MICOS10: variants seen among roughly 807,000 people sequenced by gnomAD.
MICOS10 encodes MICOS complex subunit MIC10.
Under a neutral mutation model 13.4 loss-of-function variants are expected in MICOS10, and 5 were observed. The ratio of observed to expected loss-of-function variants is 0.37; its 90% confidence interval spans 0.20 to 0.78. The LOEUF (loss-of-function observed/expected upper bound fraction) is 0.78, where lower values mean the gene tolerates loss of function less well. Among genes scored for constraint, MICOS10 ranks in the 30% least tolerant of loss-of-function variants. The pLI, the probability that MICOS10 is intolerant of heterozygous loss-of-function variation, is 0.47. For synonymous variants in MICOS10, 35 were observed against 33.6 expected, an observed-to-expected ratio of 1.04 and a Z score of -0.15; for missense variants, 101 against 94.6, an observed-to-expected ratio of 1.07 and a Z score of -0.28.
chr1:19,626,459 A>C lies in MICOS10; in HGVS notation c.*58A>C. 2.5e-6 allele frequency: 4 copies of C among 1,593,838 alleles called. No homozygotes were observed. Among genetic ancestry groups the C allele is most frequent in the Non-Finnish European group, 3.4e-6 (4 of 1,162,254 alleles). ...GAGAAATCATGTTTATTCCTCAGGA[A>C]TACTGAAGTGCCCTGGAGTAAGCTG... On this transcript the variant is annotated 3_prime_UTR_variant, in exon 4 of 4. Transcript: ENST00000322753.
intron 1 of MICOS10, chr1:19,597,855 T>G (rs1158639429): frequency 6.6e-6 from 1 of 152,212 alleles, no homozygotes; most frequent in East Asian, 1.9e-4. Flanking sequence ...GAGAGTCAGG[T>G]GAAGGAATTT....
At chr1:19,608,538 G>A (rs758375432) in intron 1 of MICOS10, 2 of 988,612 alleles carry the variant, frequency 2.0e-6, no homozygotes, top group East Asian at 4.8e-5. Context: ...AGCACTCTCA[G>A]GAAGGGGGTC....
At chr1:19,608,438 G>A (rs1345014449) in intron 1 of MICOS10, 3 of 1,290,266 alleles carry the variant, frequency 2.3e-6, no homozygotes, top group Non-Finnish European at 2.3e-6. Context: ...CAAGACCCTT[G>A]GACCTGGGGC....
At position 19,597,129 on chromosome 1, in the gene MICOS10, A is replaced by T. The variant is rs2094794735; in HGVS notation, c.64+20A>T. ...AGATAGGTAAGGGGCTTTTCGCCCC[A>T]GCAGGCCCGGCCGGTGCAGAGCTGC... On this transcript the variant is annotated intron_variant, in intron 1 of 3. Coordinates refer to ENST00000322753, the MANE Select transcript of MICOS10 (RefSeq NM_001032363.4). 6.3e-6 allele frequency: 10 copies of T among 1,598,582 alleles called. No homozygotes were observed. Among genetic ancestry groups the T allele is most frequent in the Non-Finnish European group, 8.5e-6 (10 of 1,173,168 alleles).
intron 1 of MICOS10, among the ~76,000 whole-genome samples, chr1:19,615,821 C>T (rs2094882151): frequency 6.6e-6 from 1 of 152,044 alleles, no homozygotes; most frequent in Non-Finnish European, 1.5e-5. Flanking sequence ...GAAATCTTCC[C>T]CGGTGCCTTT....
intron 1 of MICOS10, chr1:19,617,360 C>T: frequency 1.1e-6 from 1 of 933,094 alleles, no homozygotes; most frequent in African/African-American, 1.8e-5. Context: ...AAATAGCCAC[C>T]TTCTTAGTAT....
At chr1:19,620,950 A>G (rs7531699) in intron 1 of MICOS10, among the ~76,000 whole-genome samples, 39 of 152,332 alleles carry the variant, frequency 2.6e-4, no homozygotes, top group African/African-American at 9.4e-4. Context: ...TTGCCTCCAG[A>G]TGGAGAAGAG....
Position 19,627,549 on chromosome 1 carries a change from G to T in MICOS10, c.*1148G>T, listed in dbSNP as rs2094925930. 1 of 152,356 alleles carries T rather than the reference G, an allele frequency of 6.6e-6. No homozygotes were observed. The highest frequency in any genetic ancestry group is 2.1e-4 in the South Asian group (1 of 4,830). 9.4% of individuals were successfully genotyped at this position (152,356 alleles called of 1,614,324 possible). On this transcript the variant is annotated 3_prime_UTR_variant, in exon 4 of 4. Transcript: ENST00000322753. ...TAGGCAAAGTACACTGAGAACAAAG[G>T]AGAAGGAGCAACTATGTCTCCCTAG...
intron 1 of MICOS10, among the ~76,000 whole-genome samples, chr1:19,620,408 A>C (rs2094898960): frequency 6.6e-6 from 1 of 152,226 alleles, no homozygotes; most frequent in South Asian, 2.1e-4. Flanking sequence ...TCTTTTAAGT[A>C]ACTGAGATAG....
chr1:19,621,276 G>A (rs191665215), intron 1 of MICOS10, among the ~76,000 whole-genome samples: 1 of 152,190 alleles, frequency 6.6e-6, no homozygotes, highest in Admixed American at 6.5e-5. Flanking sequence ...GGATTGGTCT[G>A]GGAATGAATC....
chr1:19,608,401 A>T, intron 1 of MICOS10: 1 of 1,264,658 alleles, frequency 7.9e-7, no homozygotes, highest in East Asian at 2.3e-5. Context: ...TACACATCCA[A>T]CTCCGGGCCA....
chr1:19,619,903 C>A (rs1451207515), intron 1 of MICOS10, among the ~76,000 whole-genome samples: 1 of 152,228 alleles, frequency 6.6e-6, no homozygotes, highest in Non-Finnish European at 1.5e-5. Context: ...TACCACACAC[C>A]CGCAACTGGC....
chr1:19,616,613 CA>C lies in MICOS10; in HGVS notation c.65-5486del, dbSNP rs2094885334. 2.6e-5 allele frequency among the ~76,000 whole-genome samples: 4 copies of C among 152,232 alleles called. No individual in the cohort carries two copies. The South Asian group carries it at 8.3e-4, about 32-fold the overall frequency. ...TTGAGGGGCTGCAGAGTAACATAGT[CA>C]TAAATTAACCATGGATAGTGTTAAA... On this transcript the variant is annotated intron_variant, in intron 1 of 3. Transcript: ENST00000322753.
chr1:19,625,159 G>A (rs1006464527), intron 3 of MICOS10, among the ~76,000 whole-genome samples: 2 of 152,196 alleles, frequency 1.3e-5, no homozygotes, highest in African/African-American at 4.8e-5. Flanking sequence ...GTGAGATTTA[G>A]ACACAAAATG....
rs1249451494 is a variant in MICOS10 at position 19,603,455 on chromosome 1, T to TG, written c.64+6347dup. Among the ~76,000 whole-genome samples the TG allele has an allele frequency of 2.6e-5, 4 of 152,360 alleles. No individual in the cohort carries two copies. In the East Asian group the frequency reaches 7.7e-4, roughly 29 times the overall value. ...GCTGTGGACCTTTTGACCAAGTTGATGTTGCTTGTGTGACAGTGGCCTGTC... is the reference window on the plus strand; with the variant it reads ...GCTGTGGACCTTTTGACCAAGTTGATGGTTGCTTGTGTGACAGTGGCCTGTC... On this transcript the variant is annotated intron_variant, in intron 1 of 3. Coordinates refer to ENST00000322753, the MANE Select transcript of MICOS10 (RefSeq NM_001032363.4).
rs552506179 is a variant in MICOS10 at position 19,609,166 on chromosome 1, A to T, written c.64+12057A>T. Among the ~76,000 whole-genome samples, 371 of 151,546 alleles carry T rather than the reference A, an allele frequency of 2.4e-3. 2 individuals carry two copies. The highest frequency in any genetic ancestry group is 7.7e-3 in the African/African-American group (318 of 41,238). On this transcript the variant is annotated intron_variant, in intron 1 of 3. Coordinates refer to ENST00000322753, the MANE Select transcript of MICOS10 (RefSeq NM_001032363.4). ...TGCGTGCTACCGCATCAGGCTAATT[A>T]AAAAAAAATTTTTTTTTTAATCATA...
chr1:19,614,472 T>G (rs2094876117), intron 1 of MICOS10: 2 of 152,060 alleles, frequency 1.3e-5, no homozygotes, highest in African/African-American at 4.8e-5. Flanking sequence ...TCACTCACTT[T>G]AATTTTTTTT....
intron 3 of MICOS10, among the ~76,000 whole-genome samples, chr1:19,625,022 C>G (rs1347115707): frequency 6.6e-6 from 1 of 152,132 alleles, no homozygotes; most frequent in African/African-American, 2.4e-5. Context: ...GTGGAAAGGG[C>G]ACAGAAGCCA....
intron 1 of MICOS10, among the ~76,000 whole-genome samples, chr1:19,621,590 G>A (rs1188527750): frequency 6.6e-6 from 1 of 152,296 alleles, no homozygotes; most frequent in Non-Finnish European, 1.5e-5. Context: ...CTGGAGGGCC[G>A]TCTTTTTCCT....
Sources: allele counts gnomAD v4.1 joint callset (sites outside exome capture counted in the v4.1 genomes callset), GRCh38; gene constraint gnomAD v4.1.1; transcripts MANE v1.5; gene names NCBI Gene and HGNC (gene_info 2026-07-23, HGNC 2026-07-21).